The following CENPQ variants were observed in gnomAD, a reference collection of about 807,000 sequenced individuals.
CENPQ encodes the protein chromosome 6 open reading frame 139.
In CENPQ, 27 loss-of-function variants were observed where a neutral mutation model predicts 36.6. The observed-to-expected ratio is 0.74, with a 90% CI of 0.54 to 1.02. The LOEUF is 1.02. Among genes scored for constraint, CENPQ ranks in the 50% least tolerant of loss-of-function variants. CENPQ has a pLI of 0.00. For synonymous variants in CENPQ, 101 were observed against 101.7 expected (o/e 0.99, Z 0.04); for missense variants, 306 against 301.8 (o/e 1.01, Z -0.10).
intron 1 of CENPQ, among the ~76,000 whole-genome samples, chr6:49,468,066 T>G (rs1026701216): frequency 6.6e-6 from 1 of 152,144 alleles, no homozygotes; most frequent in Non-Finnish European, 1.5e-5. Context: ...CAGAACGTAT[T>G]GGGGTAAATT....
chr6:49,481,728 C>T (rs1768434405), intron 6 of CENPQ, among the ~76,000 whole-genome samples: 1 of 152,142 alleles, frequency 6.6e-6, no homozygotes. Flanking sequence ...AGGTTCTCCA[C>T]GTCCCCACCA....
chr6:49,478,974 T>G (rs556957026), intron 5 of CENPQ, among the ~76,000 whole-genome samples: 1 of 152,182 alleles, frequency 6.6e-6, no homozygotes, highest in African/African-American at 2.4e-5. Flanking sequence ...GAGCAGTGAA[T>G]GACTCTTCCA....
At chr6:49,470,441 A>T (rs570100088) in intron 2 of CENPQ, among the ~76,000 whole-genome samples, 163 bp downstream of exon 2, 1 of 149,782 alleles carries the variant, frequency 6.7e-6, no homozygotes, top group African/African-American at 2.5e-5. Flanking sequence ...GTCTCTACTT[A>T]AAAAAAACAA....
chr6:49,487,310 A>G (rs902338920), intron 6 of CENPQ, among the ~76,000 whole-genome samples: 3 of 151,702 alleles, frequency 2.0e-5, no homozygotes, highest in Admixed American at 2.0e-4. Context: ...TTTATGGACC[A>G]CATGTGGTTG....
At position 49,492,171 on chromosome 6, in the gene CENPQ, C is replaced by T. The variant is rs751109223; in HGVS notation, c.703C>T (p.Gln235Ter). ...AGAAATTTTGGCGCTAATTCCAAAC[C>T]AGAATGCTCTTCTAAAGGACTTGGA... Reference protein sequence around the residue: ...QKEILALIPNQNALLKDLDIL... With the variant: ...QKEILALIPN Residue 235 changes from glutamine to a stop codon, truncating the protein, a stop_gained, in exon 9 of 9, where the codon CAG becomes TAG. Transcript: ENST00000335783. LOFTEE classifies it high-confidence loss of function. 2 of 1,603,848 alleles carry T rather than the reference C, an allele frequency of 1.2e-6. No individual in the cohort carries two copies. Among genetic ancestry groups the T allele is most frequent in the South Asian group, 1.1e-5 (1 of 87,488 alleles).
At chr6:49,465,078 ATTC>A (rs1169379486) in intron 1 of CENPQ, among the ~76,000 whole-genome samples, 40 of 152,228 alleles carry the variant, frequency 2.6e-4, no homozygotes, top group African/African-American at 9.2e-4. Flanking sequence ...AGTCAAAATT[ATTC>A]TTTGATTCAT....
intron 5 of CENPQ, among the ~76,000 whole-genome samples, chr6:49,475,450 A>G (rs1030192552): frequency 6.6e-6 from 1 of 152,230 alleles, no homozygotes; most frequent in Admixed American, 6.5e-5. Context: ...TTTTATGACA[A>G]ATCCACAGCC....
intron 1 of CENPQ, among the ~76,000 whole-genome samples, chr6:49,469,233 C>T (rs545528142): frequency 2.6e-5 from 4 of 152,024 alleles, no homozygotes; most frequent in East Asian, 1.9e-4. Context: ...TATATTTAAA[C>T]TGTATCAGTA....
At chr6:49,470,037 TAAA>T (rs368380826) in intron 1 of CENPQ, 119 bp from the exon 2 acceptor site, 76 of 402,000 alleles carry the variant, frequency 1.9e-4, no homozygotes, top group South Asian at 2.6e-4. Flanking sequence ...GATTTTTCTT[TAAA>T]AAAAAAAAAA....
intron 6 of CENPQ, among the ~76,000 whole-genome samples, chr6:49,486,753 G>T (rs1342611913): frequency 6.6e-6 from 1 of 151,990 alleles, no homozygotes; most frequent in African/African-American, 2.4e-5. Flanking sequence ...AAATCCTTTA[G>T]AGCTGTATAC....
chr6:49,488,224 A>T (rs1352240026), intron 6 of CENPQ, 128 bp from the exon 7 acceptor site: 1 of 638,564 alleles, frequency 1.6e-6, no homozygotes, highest in Non-Finnish European at 2.5e-6. Flanking sequence ...TAAATTCACC[A>T]GTTGCTTCTA....
chr6:49,465,772 G>C (rs1323402315), intron 1 of CENPQ, among the ~76,000 whole-genome samples: 1 of 152,194 alleles, frequency 6.6e-6, no homozygotes. Flanking sequence ...TTTGGTTTAA[G>C]GGCGTGTTGT....
chr6:49,488,486 C>G lies in CENPQ; in HGVS notation c.597+15C>G, dbSNP rs1768642711. 2 of 1,608,350 alleles carry G rather than the reference C, an allele frequency of 1.2e-6. No homozygotes were observed. The highest frequency in any genetic ancestry group is 2.7e-5 in the African/African-American group (2 of 74,732). On this transcript the variant is annotated intron_variant, in intron 7 of 8. Coordinates refer to ENST00000335783, the MANE Select transcript of CENPQ (RefSeq NM_018132.4). The stretch of plus-strand genomic sequence containing the variant: ...GAGTAAAACAGGTAATTATTTTAAA[C>G]TGTATTATTGGAATTTGGATATAAT...
intron 5 of CENPQ, among the ~76,000 whole-genome samples, chr6:49,477,067 T>A (rs1245115719): frequency 6.6e-6 from 1 of 152,210 alleles, no homozygotes; most frequent in African/African-American, 2.4e-5. Context: ...ATCCCATTAC[T>A]GGGTATATAC....
chr6:49,492,273 T>A lies in CENPQ; in HGVS notation c.805T>A (p.Ter269LysextTer6), dbSNP rs949142893. 1 of 1,571,914 alleles carries A rather than the reference T, an allele frequency of 6.4e-7. No homozygotes were observed. The highest frequency in any genetic ancestry group is 8.6e-7 in the Non-Finnish European group (1 of 1,165,854). ...AGCCTATAAGAAACTGGATGCATCT[T>A]AAAGAGTGTTTTTTTTTTAGATTGT... Reference protein sequence around the residue: ...EEAYKKLDAS* With the variant: ...EEAYKKLDASK The change falls in exon 9 of 9, where the codon TAA (stop) becomes AAA (lysine). Residue 269 changes from the stop codon to lysine (K), a stop_lost. Transcript: ENST00000335783.
At position 49,471,016 on chromosome 6, in the gene CENPQ, C is replaced by A; in HGVS notation, c.145C>A (p.Leu49Met). ...AAAAAATAAAAATCATCTGAAAGAT[C>A]TGTCTTCTGAAGGTATTTCTTTTCT... ...VKKNKNHLKD[L>M]SSEGQTKHTN... The change falls in exon 3 of 9, where the codon CTG becomes ATG. Residue 49 changes from leucine (L) to methionine (M), a missense_variant. By Grantham distance (15) the Leu-to-Met change is conservative. Coordinates refer to ENST00000335783, the MANE Select transcript of CENPQ (RefSeq NM_018132.4). The A allele has an allele frequency of 6.6e-7, 1 of 1,523,220 alleles. No individual in the cohort carries two copies. Among genetic ancestry groups the A allele is most frequent in the Non-Finnish European group, 8.9e-7 (1 of 1,127,842 alleles). 94.4% of individuals were successfully genotyped at this position (1,523,220 alleles called of 1,614,324 possible). A position where few individuals can be genotyped will look rare whatever the true frequency, so the allele number is the denominator to read the frequency against.
chr6:49,481,901 GC>G (rs896938370), intron 6 of CENPQ, among the ~76,000 whole-genome samples: 6 of 152,170 alleles, frequency 3.9e-5, no homozygotes, highest in African/African-American at 1.4e-4. Flanking sequence ...GGAGGCTTGG[GC>G]TGCACAGGAG....
At chr6:49,480,104 AT>A (rs1013444638) in intron 5 of CENPQ, among the ~76,000 whole-genome samples, 177 of 151,794 alleles carry the variant, frequency 1.2e-3, no homozygotes, top group African/African-American at 3.6e-3. Flanking sequence ...AAAATAAAAG[AT>A]TTTTTTTTAA....
intron 4 of CENPQ, among the ~76,000 whole-genome samples, chr6:49,472,557 A>G (rs1768166658): frequency 6.6e-6 from 1 of 152,210 alleles, no homozygotes; most frequent in African/African-American, 2.4e-5. Flanking sequence ...AGCAAATTCT[A>G]TCAGAAGAGC....
Sources: allele counts gnomAD v4.1 joint callset (sites outside exome capture counted in the v4.1 genomes callset), GRCh38; gene constraint gnomAD v4.1.1; transcripts MANE v1.5; gene names NCBI Gene and HGNC (gene_info 2026-07-23, HGNC 2026-07-21).